SHISA9: variants seen among roughly 807,000 people sequenced by gnomAD.
The protein encoded by SHISA9 is protein shisa-9.
SHISA9 carries 13 observed loss-of-function variants against 38.0 expected under a neutral mutation model. The ratio of observed to expected loss-of-function variants is 0.34; its 90% CI spans 0.22 to 0.54. SHISA9 has a LOEUF of 0.54. Ranked by LOEUF, SHISA9 falls within the 20% of genes least tolerant of loss-of-function variation. The pLI is 0.91. For missense variants in SHISA9, 538 were observed against 575.8 expected (o/e 0.93, Z 0.67); for synonymous variants, 275 against 242.0 (o/e 1.14, Z -1.27).
chr16:13,133,102 T>A (rs2141988749), intron 2 of SHISA9, among the ~76,000 whole-genome samples: 1 of 152,246 alleles, frequency 6.6e-6, no homozygotes, highest in East Asian at 1.9e-4. Context: ...AAACTCACAA[T>A]CTAGTCCAAG....
chr16:13,336,363 T>C, the SHISA9 span, among the ~76,000 whole-genome samples: 15 of 152,306 alleles, frequency 9.8e-5, no homozygotes, highest in African/African-American at 3.6e-4. Context: ...TAGGTTCCTA[T>C]TATGGATCCA....
At chr16:13,471,030 A>G in the SHISA9 span, among the ~76,000 whole-genome samples, 1 of 152,074 alleles carries the variant, frequency 6.6e-6, no homozygotes, top group Non-Finnish European at 1.5e-5. Context: ...TGCTGTGGAC[A>G]ACTGGGGTTC....
chr16:12,907,336 C>G (rs868292341), intron 1 of SHISA9, among the ~76,000 whole-genome samples: 10 of 147,792 alleles, frequency 6.8e-5, no homozygotes, highest in African/African-American at 2.5e-4. Context: ...CCTTCTCTTT[C>G]CTTCCTTCCC....
At chr16:12,902,953 C>G in intron 1 of SHISA9, 1 of 296,284 alleles carries the variant, frequency 3.4e-6, no homozygotes, top group Admixed American at 4.7e-5. Flanking sequence ...CCCGTGGCCC[C>G]GAAATCTTCG....
chr16:13,046,076 G>T (rs746340262), intron 2 of SHISA9, among the ~76,000 whole-genome samples: 10 of 152,324 alleles, frequency 6.6e-5, no homozygotes, highest in Non-Finnish European at 1.2e-4. Context: ...CTGAGGGTCT[G>T]TGGTTTGGAG....
the SHISA9 span, among the ~76,000 whole-genome samples, chr16:13,405,555 G>A: frequency 1.3e-5 from 2 of 152,078 alleles, no homozygotes; most frequent in African/African-American, 4.8e-5. Flanking sequence ...TGAGGTTTTG[G>A]GTACAGTTGA....
chr16:13,198,528 C>A (rs1284396057), intron 2 of SHISA9, among the ~76,000 whole-genome samples: 2 of 152,126 alleles, frequency 1.3e-5, no homozygotes, highest in African/African-American at 4.8e-5. Flanking sequence ...TTTTCACTCA[C>A]CCTATTGTTC....
At chr16:13,234,982 C>CTCT in intron 4 of SHISA9, 48 bp from the exon 5 acceptor site, 3 of 1,488,884 alleles carry the variant, frequency 2.0e-6, no homozygotes, top group Non-Finnish European at 1.8e-6. Flanking sequence ...CTCTCTCTCT[C>CTCT]TCTCTTCTCT....
At chr16:13,328,631 CACACATAT>C in the SHISA9 span, among the ~76,000 whole-genome samples, 1 of 96,320 alleles carries the variant, frequency 1.0e-5, no homozygotes, top group African/African-American at 3.8e-5. Context: ...CACACACACA[CACACATAT>C]ATATTGTATT....
chr16:13,463,374 T>C, the SHISA9 span, among the ~76,000 whole-genome samples: 1 of 152,126 alleles, frequency 6.6e-6, no homozygotes, highest in African/African-American at 2.4e-5. Context: ...CAGCAGTACT[T>C]GGAGAAAGAG....
rs928971 is a variant in SHISA9 at position 13,182,520 on chromosome 16, T to A, written c.692-20874T>A. Among the ~76,000 whole-genome samples, 5 of 152,168 alleles carry A rather than the reference T, an allele frequency of 3.3e-5. No homozygotes were observed. In the South Asian group the frequency reaches 6.2e-4, roughly 19 times the overall value. ...AGGTATAAGGGTTCTATTTTTCCTCTGATGGCCTCAGTTGTAGTAAATGTT... is the reference window on the plus strand; with the variant it reads ...AGGTATAAGGGTTCTATTTTTCCTCAGATGGCCTCAGTTGTAGTAAATGTT... On this transcript the variant is annotated intron_variant, in intron 2 of 4. Transcript: ENST00000558583.
intron 2 of SHISA9, among the ~76,000 whole-genome samples, chr16:12,957,420 G>A (rs1371348775): frequency 2.0e-5 from 3 of 152,110 alleles, no homozygotes; most frequent in Non-Finnish European, 4.4e-5. Flanking sequence ...GTGCCAGCGT[G>A]GTTGGGTTCT....
chr16:13,293,774 C>T, the SHISA9 span, among the ~76,000 whole-genome samples: 1 of 152,148 alleles, frequency 6.6e-6, no homozygotes, highest in Non-Finnish European at 1.5e-5. Flanking sequence ...TCCATTCTGT[C>T]ATTGCACAGC....
At chr16:13,159,016 C>G (rs1320403660) in intron 2 of SHISA9, among the ~76,000 whole-genome samples, 6 of 149,656 alleles carry the variant, frequency 4.0e-5, no homozygotes, top group Non-Finnish European at 7.4e-5. Context: ...GCTGAAATTG[C>G]GCCACTACAC....
the SHISA9 span, among the ~76,000 whole-genome samples, chr16:13,514,798 C>G: frequency 6.6e-6 from 1 of 151,786 alleles, no homozygotes; most frequent in Non-Finnish European, 1.5e-5. Flanking sequence ...CCCATTGATC[C>G]AAGAAAAATG....
rs1317394800 is a variant in SHISA9 at position 13,238,081 on chromosome 16, CTG to C, written c.*2675_*2676del. On this transcript the variant is annotated 3_prime_UTR_variant, in exon 5 of 5. Coordinates refer to ENST00000558583, the MANE Select transcript of SHISA9 (RefSeq NM_001145204.3). ...TTAAATTCCAGCTGGAGTCTGTTGT[CTG>C]TGAGTCTGAACTAAAGCCTGGGGTT... The C allele has an allele frequency of 2.0e-5, 3 of 152,200 alleles. No homozygotes were observed. The highest frequency in any genetic ancestry group is 7.2e-5 in the African/African-American group (3 of 41,442). 9.4% of individuals were successfully genotyped at this position (152,200 alleles called of 1,614,324 possible).
chr16:12,935,854 GA>G (rs11428944), intron 2 of SHISA9, among the ~76,000 whole-genome samples: 20 of 135,080 alleles, frequency 1.5e-4, no homozygotes, highest in African/African-American at 1.9e-4. Flanking sequence ...GTCTCAAAAA[GA>G]AAAAAAAAAA....
chr16:13,122,878 C>A (rs752388684), intron 2 of SHISA9, among the ~76,000 whole-genome samples: 2 of 152,108 alleles, frequency 1.3e-5, no homozygotes, highest in Non-Finnish European at 2.9e-5. Context: ...AAAACCTCAT[C>A]CCAACTAAAA....
chr16:12,909,087 C>G (rs1420229674), intron 1 of SHISA9: 1 of 988,604 alleles, frequency 1.0e-6, no homozygotes, highest in East Asian at 1.1e-4. Flanking sequence ...CTTTGACCAG[C>G]TTCCCAGGCT....
Sources: allele counts gnomAD v4.1 joint callset (sites outside exome capture counted in the v4.1 genomes callset), GRCh38; gene constraint gnomAD v4.1.1; transcripts MANE v1.5; gene names NCBI Gene and HGNC (gene_info 2026-07-23, HGNC 2026-07-21).